STARD9: variants seen among roughly 807,000 people sequenced by gnomAD.
The protein encoded by STARD9 is StAR related lipid transfer domain containing 9, also known as stAR-related lipid transfer protein 9.
STARD9 carries 346 observed loss-of-function variants against 399.8 expected under a neutral mutation model. The observed-to-expected ratio is 0.87, with a 90% CI of 0.79 to 0.95. STARD9 has a LOEUF of 0.95. Among genes scored for constraint, STARD9 ranks in the 40% least tolerant of loss-of-function variants. STARD9 has a pLI of 0.00. For missense variants in STARD9, 5,832 were observed against 5,667.5 expected, an observed-to-expected ratio of 1.03 and a Z score of -0.93; for synonymous variants, 2,203 against 2,143.5, an observed-to-expected ratio of 1.03 and a Z score of -0.77.
chr15:42,679,863 C>T (rs1031481957), intron 20 of STARD9, among the ~76,000 whole-genome samples: 4 of 152,156 alleles, frequency 2.6e-5, no homozygotes, highest in African/African-American at 9.7e-5. Context: ...CTGTGATACC[C>T]GTGTGATTTC....
chr15:42,646,318 T>C (rs2059644654), intron 7 of STARD9, among the ~76,000 whole-genome samples: 1 of 152,252 alleles, frequency 6.6e-6, no homozygotes, highest in South Asian at 2.1e-4. Flanking sequence ...AGATGACACC[T>C]TTTTCCAATG....
At chr15:42,581,543 C>T (rs1029663641) in intron 1 of STARD9, 36 of 1,199,982 alleles carry the variant, frequency 3.0e-5, no homozygotes, top group South Asian at 1.4e-4. Flanking sequence ...GGCGCCGGGC[C>T]GGTCTGCTCC....
intron 3 of STARD9, among the ~76,000 whole-genome samples, chr15:42,625,283 C>T (rs2059178898): frequency 6.7e-6 from 1 of 149,378 alleles, no homozygotes; most frequent in African/African-American, 2.5e-5. Context: ...CACCTCAGCC[C>T]CCCAAAGTGC....
At chr15:42,601,559 G>T (rs1358171886) in intron 3 of STARD9, among the ~76,000 whole-genome samples, 1 of 149,632 alleles carries the variant, frequency 6.7e-6, no homozygotes, top group African/African-American at 2.4e-5. Context: ...CGGACGGGGC[G>T]GCTGGCTGGG....
chr15:42,714,041 A>G (rs1250740462), intron 26 of STARD9, among the ~76,000 whole-genome samples: 1 of 151,734 alleles, frequency 6.6e-6, no homozygotes, highest in Non-Finnish European at 1.5e-5. Context: ...AAATTTGTAA[A>G]TAAAATATGC....
At position 42,626,282 on chromosome 15, in the gene STARD9, C is replaced by CTCCTCT. The variant is rs537145859; in HGVS notation, c.235-8562_235-8557dup. 5.4e-5 allele frequency among the ~76,000 whole-genome samples: 8 copies of CTCCTCT among 149,140 alleles called. No homozygotes were observed. In the South Asian group the frequency reaches 8.6e-4, roughly 16 times the overall value. ...CCTCTTCCTCTTCCTCCTCCTCTTCCTCCTCTTCCTCTTCCTCCCCTTCTT... is the reference window on the plus strand; with the variant it reads ...CCTCTTCCTCTTCCTCCTCCTCTTCCTCCTCTTCCTCTTCCTCTTCCTCCCCTTCTT... On this transcript the variant is annotated intron_variant, in intron 3 of 32. Transcript: ENST00000290607.
chr15:42,681,541 T>A lies in STARD9; in HGVS notation c.1994T>A (p.Leu665Gln). The change falls in exon 21 of 33, where the codon CTA becomes CAA. Residue 665 changes from leucine to glutamine, a missense_variant. Around this residue, in one of 2 missense-constraint regions of STARD9, gnomAD observed 5,828 missense variants for 5,651.1 expected, o/e 1.03. Coordinates refer to ENST00000290607, the MANE Select transcript of STARD9 (RefSeq NM_020759.3). ...GTAGAGGATTTGAGGCATCAAATCCTAGCAGAAGAGATTCGAGCTGCGAAG... is the reference window on the plus strand; with the variant it reads ...GTAGAGGATTTGAGGCATCAAATCCAAGCAGAAGAGATTCGAGCTGCGAAG... ...SYVEDLRHQI[L>Q]AEEIRAAKEL... 6.5e-7 allele frequency: 1 copy of A among 1,537,212 alleles called. No homozygotes were observed. The highest frequency in any genetic ancestry group is 8.7e-7 in the Non-Finnish European group (1 of 1,146,876).
rs2060265330 is a variant in STARD9 at position 42,674,342 on chromosome 15, G to A, written c.1498-98G>A. 4.1e-6 allele frequency: 4 copies of A among 982,754 alleles called. No individual in the cohort carries two copies. In the South Asian group the frequency reaches 4.3e-5, roughly 11 times the overall value. 60.9% of individuals were successfully genotyped at this position (982,754 alleles called of 1,614,324 possible). A position where few individuals can be genotyped will look rare whatever the true frequency, so the allele number is the denominator to read the frequency against. On this transcript the variant is annotated intron_variant, in intron 16 of 32. Coordinates refer to ENST00000290607, the MANE Select transcript of STARD9 (RefSeq NM_020759.3). ...TGGGATGAGAAGTGGTACAGATGAG[G>A]CTGGGAAGACAGTGAGAATATTCTA...
intron 26 of STARD9, among the ~76,000 whole-genome samples, chr15:42,710,624 C>G (rs898506984): frequency 5.3e-5 from 8 of 152,180 alleles, no homozygotes; most frequent in African/African-American, 1.4e-4. Flanking sequence ...GGAATGTTTT[C>G]AGGATTGTGT....
intron 3 of STARD9, among the ~76,000 whole-genome samples, chr15:42,604,983 G>A (rs149086933): frequency 5.3e-5 from 8 of 152,068 alleles, no homozygotes; most frequent in Non-Finnish European, 8.8e-5. Flanking sequence ...CTGTTCCAAA[G>A]ATGAGAAGGA....
At chr15:42,671,102 A>T (rs1240546104) in intron 16 of STARD9, 1 of 149,874 alleles carries the variant, frequency 6.7e-6, no homozygotes, top group Non-Finnish European at 1.5e-5. Flanking sequence ...TGAATGATGA[A>T]CTCATCTGAA....
intron 3 of STARD9, among the ~76,000 whole-genome samples, chr15:42,596,336 C>G (rs1307605020): frequency 3.3e-5 from 5 of 152,138 alleles, no homozygotes; most frequent in African/African-American, 4.8e-5. Context: ...TTATACTCAC[C>G]CTTTGCACCT....
chr15:42,709,641 C>T (rs1051428908), intron 26 of STARD9, among the ~76,000 whole-genome samples: 2 of 152,074 alleles, frequency 1.3e-5, no homozygotes, highest in Non-Finnish European at 2.9e-5. Context: ...GCTGAGATGG[C>T]GCCACTGCAC....
intron 3 of STARD9, among the ~76,000 whole-genome samples, chr15:42,611,258 G>C (rs10163044): frequency 0.012 from 1,843 of 152,290 alleles, 49 homozygotes; most frequent in African/African-American, 0.043. Context: ...TACAAAGATG[G>C]AGTTGAGTAG....
At chr15:42,667,387 G>T (rs1356597682) in intron 15 of STARD9, among the ~76,000 whole-genome samples, 1 of 150,972 alleles carries the variant, frequency 6.6e-6, no homozygotes, top group Non-Finnish European at 1.5e-5. Flanking sequence ...GTTTCACCGT[G>T]TTGGCCAGGC....
At chr15:42,647,079 T>C (rs1468731240) in intron 7 of STARD9, among the ~76,000 whole-genome samples, 1 of 152,230 alleles carries the variant, frequency 6.6e-6, no homozygotes, top group African/African-American at 2.4e-5. Context: ...CAAAGATTAC[T>C]GGTCACAGAT....
In STARD9 at chr15:42,581,448, C is replaced by G. The variant is rs949317798; in HGVS notation, c.48-1898C>G. On this transcript the variant is annotated intron_variant, in intron 1 of 32. Coordinates refer to ENST00000290607, the MANE Select transcript of STARD9 (RefSeq NM_020759.3). ...CACGGTGTGGGTGGGGAAGGCGCGG[C>G]TCTGGCTGGGCTGGTGGCCGCTGCC... 5.2e-6 allele frequency: 8 copies of G among 1,532,116 alleles called. No individual in the cohort carries two copies. In the African/African-American group the frequency reaches 1.1e-4, roughly 21 times the overall value. The allele number at this position is 1,532,116 out of a possible 1,614,324, so 94.9% of individuals were successfully genotyped here.
At chr15:42,583,472 G>C in intron 2 of STARD9, 57 bp downstream of exon 2, 1 of 1,295,582 alleles carries the variant, frequency 7.7e-7, no homozygotes. Context: ...ATTGTTACAG[G>C]GGCTTCCAGG....
intron 20 of STARD9, among the ~76,000 whole-genome samples, chr15:42,678,197 G>T (rs2060351711): frequency 6.6e-6 from 1 of 152,198 alleles, no homozygotes; most frequent in Non-Finnish European, 1.5e-5. Context: ...CCAGGGAGAG[G>T]AACCTGCACG....
Sources: allele counts gnomAD v4.1 joint callset (sites outside exome capture counted in the v4.1 genomes callset), GRCh38; gene constraint gnomAD v4.1.1; regional missense constraint gnomAD v4.1.1; transcripts MANE v1.5; gene names NCBI Gene and HGNC (gene_info 2026-07-23, HGNC 2026-07-21).